LRRC63: variants seen among roughly 807,000 people sequenced by gnomAD.
The protein encoded by LRRC63 is leucine-rich repeat-containing protein 63.
In LRRC63, 40 loss-of-function variants were observed where a neutral mutation model predicts 49.5. The ratio of observed to expected loss-of-function variants is 0.81; its 90% CI spans 0.63 to 1.05. The LOEUF (loss-of-function observed/expected upper bound fraction) is 1.05. LRRC63 is among the 50% of genes least tolerant of loss of function. The pLI, the probability that LRRC63 is intolerant of heterozygous loss-of-function variation, is 0.00. For missense variants in LRRC63, 636 were observed against 663.1 expected (o/e 0.96, Z 0.45); for synonymous variants, 191 against 221.1 (o/e 0.86, Z 1.21).
exon 3 of LRRC63, chr13:46,228,019 C>T: frequency 6.4e-7 from 1 of 1,551,068 alleles, no homozygotes; most frequent in African/African-American, 1.4e-5. Flanking sequence ...GACTTAAGTG[C>T]AACAGTGCCA....
chr13:46,228,239 G>T, intron 3 of LRRC63, 50 bp downstream of exon 3: 1 of 1,366,216 alleles, frequency 7.3e-7, no homozygotes, highest in Non-Finnish European at 9.8e-7. Context: ...TAGAGCAAAG[G>T]GGAGAGAAGG....
intron 2 of LRRC63, among the ~76,000 whole-genome samples, chr13:46,225,227 GTTC>G (rs1262496069): frequency 1.3e-5 from 2 of 152,214 alleles, no homozygotes; most frequent in African/African-American, 4.8e-5. Context: ...CTGTTCTCAG[GTTC>G]TTCTGCTCTC....
In LRRC63 at chr13:46,270,637, C is replaced by CAA. The variant is rs769845304; in HGVS notation, c.1550+3669_1550+3670dup. On this transcript the variant is annotated intron_variant, in intron 9 of 9. Transcript: ENST00000595396. ...TGACGTCATGAGGACTGACATGGAG[C>CAA]AAAAAGCAAAGTGGGATTCTTGTTA... 1.9e-5 allele frequency: 15 copies of CAA among 802,794 alleles called. No individual in the cohort carries two copies. In the Admixed American group the frequency reaches 2.5e-4, roughly 13 times the overall value. 49.7% of individuals were successfully genotyped at this position (802,794 alleles called of 1,614,324 possible). A position where few individuals can be genotyped will look rare whatever the true frequency, so the allele number is the denominator to read the frequency against.
At chr13:46,226,594 T>C (rs1218994055) in intron 2 of LRRC63, among the ~76,000 whole-genome samples, 1 of 152,062 alleles carries the variant, frequency 6.6e-6, no homozygotes, top group Non-Finnish European at 1.5e-5. Flanking sequence ...CTATAAAAAG[T>C]CTCCCTCACT....
intron 7 of LRRC63, among the ~76,000 whole-genome samples, chr13:46,254,645 A>G (rs2047464144): frequency 6.6e-6 from 1 of 152,242 alleles, no homozygotes; most frequent in South Asian, 2.1e-4. Flanking sequence ...AGCAAGAAGA[A>G]TAATGATTGA....
intron 7 of LRRC63, among the ~76,000 whole-genome samples, chr13:46,251,284 A>G: frequency 6.6e-6 from 1 of 152,002 alleles, no homozygotes; most frequent in South Asian, 2.1e-4. Flanking sequence ...ACATTCATAA[A>G]CATTCAGTTA....
chr13:46,228,273 C>T, intron 3 of LRRC63, 84 bp downstream of exon 3: 1 of 1,067,254 alleles, frequency 9.4e-7, no homozygotes, highest in Non-Finnish European at 1.3e-6. Context: ...GGTACCCCTC[C>T]CGCTTTGGGT....
intron 9 of LRRC63, among the ~76,000 whole-genome samples, chr13:46,269,860 G>A (rs919558779): frequency 2.7e-5 from 4 of 146,328 alleles, no homozygotes; most frequent in Non-Finnish European, 6.0e-5. Flanking sequence ...CTACTATATA[G>A]ATGTAGTAGA....
chr13:46,227,099 T>A (rs1238985161), intron 2 of LRRC63, among the ~76,000 whole-genome samples: 2 of 152,182 alleles, frequency 1.3e-5, no homozygotes, highest in Non-Finnish European at 2.9e-5. Flanking sequence ...GAAATGTAAA[T>A]CTTTGGTCAA....
intron 5 of LRRC63, among the ~76,000 whole-genome samples, chr13:46,239,403 C>T (rs1036709542): frequency 1.3e-5 from 2 of 152,182 alleles, no homozygotes; most frequent in Non-Finnish European, 2.9e-5. Flanking sequence ...TGGATAAATT[C>T]CCAGACACAT....
chr13:46,233,171 T>C (rs546067244), intron 4 of LRRC63, among the ~76,000 whole-genome samples: 1 of 152,300 alleles, frequency 6.6e-6, no homozygotes, highest in East Asian at 1.9e-4. Flanking sequence ...ATCCTCAGAT[T>C]CTTGAGAGAT....
chr13:46,234,393 A>G (rs764850738), intron 5 of LRRC63, 44 bp downstream of exon 5: 5 of 1,515,916 alleles, frequency 3.3e-6, no homozygotes, highest in Admixed American at 4.2e-5. Flanking sequence ...TGTATTATCA[A>G]TTATTTTTGC....
Position 46,225,489 on chromosome 13 carries a change from G to A in LRRC63, c.86-2023G>A, listed in dbSNP as rs370127734. On this transcript the variant is annotated intron_variant, in intron 2 of 9. Coordinates refer to ENST00000595396, the Ensembl canonical transcript of LRRC63. ...AGAGACTCTTCCGCCGGTGGGAGAG[G>A]AAATCAAACTAATGAGTATAAATTA... Among the ~76,000 whole-genome samples, 27 of 152,266 alleles carry A rather than the reference G, an allele frequency of 1.8e-4. No individual in the cohort carries two copies. In the East Asian group the frequency reaches 4.0e-3, roughly 23 times the overall value.
intron 2 of LRRC63, among the ~76,000 whole-genome samples, chr13:46,213,649 A>G (rs1459758809): frequency 1.3e-5 from 2 of 152,238 alleles, no homozygotes; most frequent in African/African-American, 2.4e-5. Context: ...TATGTGTTAG[A>G]TAAGTTTCCT....
At position 46,264,437 on chromosome 13, in the gene LRRC63, T is replaced by TTTATTTAG. The variant is rs1555329619; in HGVS notation, c.1311-2293_1311-2292insTTTAGTTA. On this transcript the variant is annotated intron_variant, in intron 8 of 9. Coordinates refer to ENST00000595396, the Ensembl canonical transcript of LRRC63. ...CTCATGGTTTTTATTTATTTATTTA[T>TTTATTTAG]TTAGTTAGTTAGTTAGTTTTGAATT... Among the ~76,000 whole-genome samples the TTTATTTAG allele has an allele frequency of 1.3e-3, 204 of 151,512 alleles. 1 individual carries two copies. The highest frequency in any genetic ancestry group is 4.0e-3 in the African/African-American group (167 of 41,282).
At chr13:46,265,604 T>G (rs2047674493) in intron 8 of LRRC63, among the ~76,000 whole-genome samples, 1 of 152,196 alleles carries the variant, frequency 6.6e-6, no homozygotes, top group Non-Finnish European at 1.5e-5. Context: ...GCTCCTGCCC[T>G]GATCTAGTCA....
intron 4 of LRRC63, 27 bp from the exon 5 acceptor site, chr13:46,234,165 A>G (rs2138436875): frequency 1.3e-6 from 2 of 1,519,462 alleles, no homozygotes; most frequent in Non-Finnish European, 1.8e-6. Context: ...TTTAAATTTT[A>G]TGTTTTGTTT....
chr13:46,270,762 C>T (rs548400436), intron 9 of LRRC63: 5 of 483,304 alleles, frequency 1.0e-5, no homozygotes, highest in Non-Finnish European at 1.9e-5. Flanking sequence ...CACTTACCTT[C>T]GTTTCCCCTC....
intron 9 of LRRC63, among the ~76,000 whole-genome samples, chr13:46,271,512 A>C (rs17316781): frequency 0.034 from 5,217 of 152,270 alleles, 132 homozygotes; most frequent in Admixed American, 0.065. Flanking sequence ...TGACTGCTTA[A>C]ATGAGGGATA....
Sources: allele counts gnomAD v4.1 joint callset (sites outside exome capture counted in the v4.1 genomes callset), GRCh38; gene constraint gnomAD v4.1.1; transcripts MANE v1.5; gene names NCBI Gene and HGNC (gene_info 2026-07-23, HGNC 2026-07-21).